SLC35D4: variants seen among roughly 807,000 people sequenced by gnomAD.
SLC35D4 encodes solute carrier family 35 member D4.
At chr18:23,395,461 G>T in the SLC35D4 span, among the ~76,000 whole-genome samples, 1 of 152,164 alleles carries the variant, frequency 6.6e-6, no homozygotes, top group Non-Finnish European at 1.5e-5. Context: ...CAAGCCATTA[G>T]GAAGGACCAA....
the SLC35D4 span, among the ~76,000 whole-genome samples, chr18:23,382,795 G>A: frequency 6.6e-6 from 1 of 152,204 alleles, no homozygotes; most frequent in African/African-American, 2.4e-5. Flanking sequence ...CTTTGGCCGT[G>A]GGACTGCCAA....
the SLC35D4 span, among the ~76,000 whole-genome samples, chr18:23,344,178 G>A: frequency 8.6e-5 from 13 of 152,044 alleles, no homozygotes; most frequent in South Asian, 2.1e-4. Flanking sequence ...CACCATGCTC[G>A]GCCAATCTCA....
At chr18:23,308,498 T>C in the SLC35D4 span, among the ~76,000 whole-genome samples, 1 of 152,076 alleles carries the variant, frequency 6.6e-6, no homozygotes, top group Non-Finnish European at 1.5e-5. Flanking sequence ...AACCCAAACC[T>C]AGAAGTCATC....
the SLC35D4 span, chr18:23,253,857 T>A: frequency 9.3e-6 from 15 of 1,614,084 alleles, no homozygotes; most frequent in Non-Finnish European, 3.4e-6. Context: ...AACCGGAAGC[T>A]GTGTGCTGGG....
At chr18:23,406,801 TTTTTC>T in the SLC35D4 span, among the ~76,000 whole-genome samples, 1 of 152,116 alleles carries the variant, frequency 6.6e-6, no homozygotes, top group Non-Finnish European at 1.5e-5. Flanking sequence ...TTGTCTAAAG[TTTTTC>T]TTTTCTTTAT....
the SLC35D4 span, among the ~76,000 whole-genome samples, chr18:23,313,612 C>T: frequency 6.6e-6 from 1 of 152,168 alleles, no homozygotes; most frequent in Non-Finnish European, 1.5e-5. Context: ...GCATCATTGC[C>T]ACCTCCCCAT....
At chr18:23,362,899 A>C in the SLC35D4 span, among the ~76,000 whole-genome samples, 286 of 152,322 alleles carry the variant, frequency 1.9e-3, 1 homozygote, top group Non-Finnish European at 2.9e-3. Context: ...TAACAAATGA[A>C]CAAGCACAAC....
At chr18:23,399,113 G>A in the SLC35D4 span, among the ~76,000 whole-genome samples, 80 of 152,296 alleles carry the variant, frequency 5.3e-4, no homozygotes, top group South Asian at 2.5e-3. Flanking sequence ...TAGCTTCCCC[G>A]TGTACAGGAC....
the SLC35D4 span, among the ~76,000 whole-genome samples, chr18:23,358,122 T>G: frequency 1.3e-5 from 2 of 151,284 alleles, no homozygotes; most frequent in African/African-American, 4.9e-5. Flanking sequence ...GGAGGGAGAG[T>G]CTGTCCACGT....
the SLC35D4 span, among the ~76,000 whole-genome samples, chr18:23,361,641 C>T: frequency 6.6e-6 from 1 of 152,152 alleles, no homozygotes; most frequent in African/African-American, 2.4e-5. Context: ...AGGACTCTCT[C>T]TGATGAATCC....
the SLC35D4 span, among the ~76,000 whole-genome samples, chr18:23,425,986 T>C: frequency 6.6e-6 from 1 of 152,202 alleles, no homozygotes; most frequent in East Asian, 1.9e-4. Context: ...ATTATGCCTT[T>C]GGGCATAAGG....
chr18:23,350,292 C>T, the SLC35D4 span, among the ~76,000 whole-genome samples: 1 of 152,222 alleles, frequency 6.6e-6, no homozygotes, highest in Admixed American at 6.5e-5. Flanking sequence ...AAGGGTCATC[C>T]TCATGTCTGC....
chr18:23,289,408 T>C, the SLC35D4 span, among the ~76,000 whole-genome samples: 1 of 152,164 alleles, frequency 6.6e-6, no homozygotes, highest in Admixed American at 6.5e-5. Context: ...ATCCAGGCCA[T>C]CACCAATAAT....
chr18:23,366,887 T>C, the SLC35D4 span, among the ~76,000 whole-genome samples: 2 of 152,234 alleles, frequency 1.3e-5, no homozygotes, highest in Non-Finnish European at 2.9e-5. Flanking sequence ...TGTAGGTTTA[T>C]AAGACAGGGC....
chr18:23,248,512 C>CTTTTTTTTTTTTTTTTTTTTT, the SLC35D4 span, among the ~76,000 whole-genome samples: 1 of 90,714 alleles, frequency 1.1e-5, no homozygotes, highest in Non-Finnish European at 2.1e-5. Context: ...GACCCTATGT[C>CTTTTTTTTTTTTTTTTTTTTT]TTTTTTTTTT....
At chr18:23,344,506 C>T in the SLC35D4 span, among the ~76,000 whole-genome samples, 1 of 151,840 alleles carries the variant, frequency 6.6e-6, no homozygotes, top group African/African-American at 2.4e-5. Flanking sequence ...TTTATATATT[C>T]TGGATATAGT....
chr18:23,308,874 C>CTGTG, the SLC35D4 span, among the ~76,000 whole-genome samples: 70 of 144,282 alleles, frequency 4.9e-4, no homozygotes, highest in African/African-American at 1.6e-3. Flanking sequence ...CTCTCTCTCT[C>CTGTG]TCTGTGTGTG....
the SLC35D4 span, among the ~76,000 whole-genome samples, chr18:23,365,174 C>T: frequency 6.6e-6 from 1 of 152,146 alleles, no homozygotes; most frequent in South Asian, 2.1e-4. Flanking sequence ...CCTTGGGAAA[C>T]ATTATGGGAT....
chr18:23,296,338 C>T, the SLC35D4 span: 2 of 152,012 alleles, frequency 1.3e-5, no homozygotes, highest in Admixed American at 1.3e-4. Context: ...GACTGTCTCG[C>T]TCTGTTGCCC....
Sources: gnomAD v4.1 joint callset for allele counts (sites outside exome capture counted in the v4.1 genomes callset) on GRCh38, gnomAD v4.1.1 for gene constraint, MANE v1.5 for transcripts, NCBI Gene and HGNC (gene_info 2026-07-23, HGNC 2026-07-21) for gene names.